CLMP: variants seen among roughly 807,000 people sequenced by gnomAD.
The protein encoded by CLMP is CXADR like cell adhesion molecule.
A neutral mutation model predicts 45.2 loss-of-function variants in CLMP; 27 were observed. The observed-to-expected ratio is 0.60, with a 90% confidence interval of 0.44 to 0.82. The LOEUF is 0.82. Ranked by LOEUF, CLMP falls within the 40% of genes least tolerant of loss-of-function variation. CLMP has a pLI of 0.00. For synonymous variants in CLMP, 167 were observed against 171.4 expected (o/e 0.97, Z 0.20); for missense variants, 403 against 448.4 (o/e 0.90, Z 0.91).
At chr11:123,182,108 T>C (rs139370711) in intron 1 of CLMP, among the ~76,000 whole-genome samples, 1 of 152,286 alleles carries the variant, frequency 6.6e-6, no homozygotes, top group African/African-American at 2.4e-5. Context: ...GAGCAAAACA[T>C]TAACAAAAGA....
At chr11:123,176,800 TATACTA>T (rs761309516) in intron 1 of CLMP, among the ~76,000 whole-genome samples, 5 of 152,230 alleles carry the variant, frequency 3.3e-5, no homozygotes, top group Non-Finnish European at 4.4e-5. Flanking sequence ...TTGGGTGTCA[TATACTA>T]ATACTTTATA....
At position 123,111,369 on chromosome 11, in the gene CLMP, G is replaced by A. The variant is rs560894244; in HGVS notation, c.29-13417C>T. Among the ~76,000 whole-genome samples the A allele has an allele frequency of 2.1e-3, 316 of 152,260 alleles. 3 individuals carry two copies. The highest frequency in any genetic ancestry group is 6.7e-3 in the African/African-American group (280 of 41,554). ...TGGCATGGAACTCCTGACCTCAGGT[G>A]ATCGGCCCACCGCAGCCTCCCAAAG... On this transcript the variant is annotated intron_variant, in intron 1 of 6. Transcript: ENST00000448775.
chr11:123,086,837 G>A (rs1327290263), intron 2 of CLMP, among the ~76,000 whole-genome samples: 3 of 152,090 alleles, frequency 2.0e-5, no homozygotes, highest in South Asian at 2.1e-4. Flanking sequence ...CCAAGACTGC[G>A]CCACTGTACT....
intron 1 of CLMP, among the ~76,000 whole-genome samples, chr11:123,162,095 C>A (rs10892975): frequency 0.45 from 68,316 of 152,034 alleles, 16,646 homozygotes; most frequent in South Asian, 0.57. Flanking sequence ...CAATGTTAAA[C>A]CAAATGCCAC....
intron 5 of CLMP, among the ~76,000 whole-genome samples, chr11:123,077,327 A>C (rs1865752989): frequency 6.7e-6 from 1 of 149,240 alleles, no homozygotes; most frequent in African/African-American, 2.5e-5. Flanking sequence ...AAACAAAATG[A>C]TACAATTATT....
At chr11:123,074,146 T>C (rs1488802809) in intron 6 of CLMP, among the ~76,000 whole-genome samples, 2 of 151,924 alleles carry the variant, frequency 1.3e-5, no homozygotes, top group East Asian at 3.9e-4. Context: ...TAAATTGAAC[T>C]GTTTTATGTA....
intron 2 of CLMP, among the ~76,000 whole-genome samples, chr11:123,095,922 C>T (rs1183960550): frequency 6.6e-6 from 1 of 152,110 alleles, no homozygotes; most frequent in Admixed American, 6.6e-5. Context: ...ACCGCAAGAA[C>T]CTGCCTCAAG....
rs201233291 is a variant in CLMP at position 123,194,951 on chromosome 11, G to C, written c.-11C>G. 1.4e-5 allele frequency: 23 copies of C among 1,611,780 alleles called. No individual in the cohort carries two copies. In the African/African-American group the frequency reaches 2.7e-4, roughly 19 times the overall value. ...AAGGAGGAGGGACATCCCGATCCCCGGACGCGGGCGCTTCCCCGCTCAGCT... is the reference window on the plus strand; with the variant it reads ...AAGGAGGAGGGACATCCCGATCCCCCGACGCGGGCGCTTCCCCGCTCAGCT... On this transcript the variant is annotated 5_prime_UTR_variant, in exon 1 of 7. Transcript: ENST00000448775.
At chr11:123,091,806 C>T (rs917498558) in intron 2 of CLMP, among the ~76,000 whole-genome samples, 1 of 152,178 alleles carries the variant, frequency 6.6e-6, no homozygotes, top group African/African-American at 2.4e-5. Flanking sequence ...TACAATTCCA[C>T]ACGTTTGTGT....
At chr11:123,182,789 C>T (rs868113255) in intron 1 of CLMP, among the ~76,000 whole-genome samples, 4 of 152,262 alleles carry the variant, frequency 2.6e-5, no homozygotes, top group Middle Eastern at 3.4e-3. Context: ...ATTTCAAAGA[C>T]GCAAGAAAGG....
chr11:123,178,991 G>T (rs2135546417), intron 1 of CLMP, among the ~76,000 whole-genome samples: 1 of 152,254 alleles, frequency 6.6e-6, no homozygotes, highest in Middle Eastern at 3.4e-3. Flanking sequence ...TCCCTATGTT[G>T]CTCAGGCTGG....
chr11:123,165,165 T>A (rs1252036879), intron 1 of CLMP, among the ~76,000 whole-genome samples: 1 of 152,200 alleles, frequency 6.6e-6, no homozygotes, highest in African/African-American at 2.4e-5. Context: ...CACCATAGCA[T>A]CTTCTGATCT....
intron 1 of CLMP, among the ~76,000 whole-genome samples, chr11:123,147,614 A>G (rs1238343968): frequency 1.3e-5 from 2 of 151,926 alleles, no homozygotes; most frequent in African/African-American, 4.8e-5. Context: ...CTGGATTCCC[A>G]TAGCACACCT....
rs529772191 is a variant in CLMP, at chr11:123,095,307, T to C, written c.186+2488A>G. 5.3e-5 allele frequency among the ~76,000 whole-genome samples: 8 copies of C among 152,292 alleles called. No homozygotes were observed. In the East Asian group the frequency reaches 1.5e-3, roughly 29 times the overall value. On this transcript the variant is annotated intron_variant, in intron 2 of 6. Coordinates refer to ENST00000448775, the MANE Select transcript of CLMP (RefSeq NM_024769.5). Reference sequence around the variant, plus strand: ...GAAAATTATCCAGTGAAACTTTTTTTTTTTTGAGACAGTCTTGCTCTGTTG... The same window carrying C: ...GAAAATTATCCAGTGAAACTTTTTTCTTTTTGAGACAGTCTTGCTCTGTTG...
intron 1 of CLMP, among the ~76,000 whole-genome samples, chr11:123,174,090 T>A (rs4370954): frequency 0.6 from 91,126 of 151,070 alleles, 27,694 homozygotes; most frequent in Admixed American, 0.68. Context: ...TCAAAAAAAA[T>A]TTTTTTTAAT....
chr11:123,153,910 T>C (rs1455960151), intron 1 of CLMP, among the ~76,000 whole-genome samples: 3 of 150,898 alleles, frequency 2.0e-5, no homozygotes, highest in Admixed American at 6.6e-5. Flanking sequence ...GGTCTCGAAC[T>C]CTTGAGCTCA....
chr11:123,087,911 C>CT (rs961273617), intron 2 of CLMP, among the ~76,000 whole-genome samples: 145 of 144,022 alleles, frequency 1.0e-3, no homozygotes, highest in African/African-American at 1.7e-3. Flanking sequence ...CGTTTTGTTT[C>CT]TTTTTTTTTT....
At chr11:123,181,816 T>G (rs985212952) in intron 1 of CLMP, among the ~76,000 whole-genome samples, 11 of 152,228 alleles carry the variant, frequency 7.2e-5, no homozygotes, top group African/African-American at 2.4e-4. Context: ...GATTTCTTGT[T>G]GTCTGGGTGG....
At chr11:123,095,341 G>C (rs1202983086) in intron 2 of CLMP, among the ~76,000 whole-genome samples, 2 of 151,894 alleles carry the variant, frequency 1.3e-5, no homozygotes, top group Admixed American at 1.3e-4. Context: ...TGCCCAGGCT[G>C]GAGTGCAATG....
Sources: allele counts gnomAD v4.1 joint callset (sites outside exome capture counted in the v4.1 genomes callset), GRCh38; gene constraint gnomAD v4.1.1; transcripts MANE v1.5; gene names NCBI Gene and HGNC (gene_info 2026-07-23, HGNC 2026-07-21).